Variants in ZNF723 observed in about 807,000 individuals in gnomAD.
The protein encoded by ZNF723 is zinc finger protein 723, pseudogene.
In ZNF723, 5 loss-of-function variants were observed where a neutral mutation model predicts 9.4. The observed-to-expected ratio is 0.53, with a 90% CI of 0.28 to 1.12. The LOEUF (loss-of-function observed/expected upper bound fraction) is 1.12, where lower values mean the gene tolerates loss of function less well. ZNF723 is among the 50% of genes most tolerant of loss of function. The probability of loss-of-function intolerance (pLI) is 0.10; values close to 1 mark genes in which losing one functional copy is unlikely to be tolerated. For missense variants in ZNF723, 450 were observed against 501.5 expected (o/e 0.90, Z 0.98); for synonymous variants, 158 against 168.8 (o/e 0.94, Z 0.49).
At chr19:22,846,287 C>T (rs1967308533) in intron 1 of ZNF723, among the ~76,000 whole-genome samples, 2 of 152,076 alleles carry the variant, frequency 1.3e-5, no homozygotes, top group African/African-American at 4.8e-5. Context: ...TTTGTGTTCC[C>T]CATTAGCACT....
chr19:22,826,718 C>T, the ZNF723 span, among the ~76,000 whole-genome samples: 1 of 152,162 alleles, frequency 6.6e-6, no homozygotes, highest in African/African-American at 2.4e-5. Flanking sequence ...AACTGTCATA[C>T]CTGGATCCAA....
Position 22,849,248 on chromosome 19 carries a change from G to A in ZNF723, c.181G>A (p.Glu61Lys). 1 of 592,520 alleles carries A rather than the reference G, an allele frequency of 1.7e-6. No homozygotes were observed. The highest frequency in any genetic ancestry group is 2.4e-5 in the South Asian group (1 of 42,284). 36.7% of individuals were successfully genotyped at this position (592,520 alleles called of 1,614,324 possible). Reference sequence around the variant, plus strand: ...AATCACCTGTCTGGAGCAAGGAAAAGAGCCCTGGAATATGAAGAGACACAA... The same window carrying A: ...AATCACCTGTCTGGAGCAAGGAAAAAAGCCCTGGAATATGAAGAGACACAA... ...DLITCLEQGK[E>K]PWNMKRHKMV... The change falls in exon 3 of 4, where the codon GAG (glutamate) becomes AAG (lysine). Residue 61 changes from glutamate (E) to lysine (K), a missense_variant. Coordinates refer to ENST00000600766, the MANE Select transcript of ZNF723 (RefSeq NM_001349726.2).
At chr19:22,835,243 C>T (rs1967152460) in intron 1 of ZNF723, among the ~76,000 whole-genome samples, 1 of 151,728 alleles carries the variant, frequency 6.6e-6, no homozygotes, top group African/African-American at 2.4e-5. Context: ...GGTTTCACCA[C>T]GTTGGCCAGG....
In ZNF723 at chr19:22,857,730, C is replaced by T. The variant is rs1248245856; in HGVS notation, c.839C>T (p.Thr280Ile). ...SSLNNHKRIH[T>I]GEKPYKCKEC... ...CTTAATAATCATAAGAGAATTCACA[C>T]TGGAGAGAAACCCTACAAATGTAAA... is the stretch of plus-strand genomic sequence containing the variant. The change falls in exon 4 of 4, where the codon ACT becomes ATT. Residue 280 changes from threonine to isoleucine, a missense_variant. Around this residue, in one of 5 missense-constraint regions of ZNF723, gnomAD observed 237 missense variants for 332.2 expected, o/e 0.71. Coordinates refer to ENST00000600766, the MANE Select transcript of ZNF723 (RefSeq NM_001349726.2). 4.7e-6 allele frequency: 6 copies of T among 1,277,382 alleles called. No individual in the cohort carries two copies. In the East Asian group the frequency reaches 1.2e-4, roughly 25 times the overall value. The allele number at this position is 1,277,382 out of a possible 1,614,324, so 79.1% of individuals were successfully genotyped here.
chr19:22,823,127 A>G, the ZNF723 span, among the ~76,000 whole-genome samples: 8 of 152,154 alleles, frequency 5.3e-5, no homozygotes, highest in African/African-American at 1.2e-4. Context: ...TGGGCTTAGG[A>G]CAATGGGTAA....
intron 1 of ZNF723, among the ~76,000 whole-genome samples, chr19:22,844,796 G>A (rs1443703760): frequency 6.6e-6 from 1 of 152,180 alleles, no homozygotes; most frequent in Non-Finnish European, 1.5e-5. Context: ...CCCAGGGGGA[G>A]CATCATCAGC....
chr19:22,835,867 T>C (rs2145206903), intron 1 of ZNF723, among the ~76,000 whole-genome samples: 1 of 152,326 alleles, frequency 6.6e-6, no homozygotes, highest in East Asian at 1.9e-4. Context: ...CTTAGGAATG[T>C]TCCCATATGA....
Position 22,848,301 on chromosome 19 carries a change from T to C in ZNF723, c.44T>C (p.Leu15Pro). 2 of 1,321,412 alleles carry C rather than the reference T, an allele frequency of 1.5e-6. No individual in the cohort carries two copies. The highest frequency in any genetic ancestry group is 1.3e-5 in the South Asian group (1 of 79,558). The allele number at this position is 1,321,412 out of a possible 1,614,324, so 81.9% of individuals were successfully genotyped here. Residue 15 changes from leucine (L) to proline (P), a missense_variant, in exon 2 of 4, where the codon CTG becomes CCG. Around this residue, in one of 5 missense-constraint regions of ZNF723, gnomAD observed 19 missense variants for 20.1 expected, o/e 0.95. Transcript: ENST00000600766. ...ACAGATGTGGCAATAAAATTTTCTC[T>C]GGAGGAGTGGCAATTCCTGGACACT... ...TFTDVAIKFS[L>P]EEWQFLDTAQ...
rs186110305 is a variant in ZNF723 at position 22,843,175 on chromosome 19, T to G, written c.4-5086T>G. Among the ~76,000 whole-genome samples the G allele has an allele frequency of 4.2e-4, 64 of 152,326 alleles. No homozygotes were observed. The East Asian group carries it at 9.5e-3, about 23-fold the overall frequency. The stretch of plus-strand genomic sequence containing the variant: ...GACAGGTGATCCAGGTTCTGGAGCT[T>G]CTCCAGGGCAGTTTAATTTTTTGTT... On this transcript the variant is annotated intron_variant, in intron 1 of 3. Transcript: ENST00000600766.
At chr19:22,819,890 G>T in the ZNF723 span, among the ~76,000 whole-genome samples, 2 of 152,098 alleles carry the variant, frequency 1.3e-5, no homozygotes, top group Admixed American at 6.5e-5. Context: ...ATTGTGTATT[G>T]TGACATATGT....
At chr19:22,850,336 A>G (rs1311067416) in intron 3 of ZNF723, among the ~76,000 whole-genome samples, 1 of 151,520 alleles carries the variant, frequency 6.6e-6, no homozygotes, top group African/African-American at 2.4e-5. Context: ...CCTCCCGAGT[A>G]GCTGGGATTA....
At chr19:22,856,960 T>G (rs1181637650) in intron 3 of ZNF723, among the ~76,000 whole-genome samples, 158 bp from the exon 4 acceptor site, 1 of 152,234 alleles carries the variant, frequency 6.6e-6, no homozygotes, top group Non-Finnish European at 1.5e-5. Flanking sequence ...TTTTGGTCTG[T>G]ATGTTTTTGT....
At chr19:22,844,819 C>G (rs1967287713) in intron 1 of ZNF723, among the ~76,000 whole-genome samples, 1 of 152,142 alleles carries the variant, frequency 6.6e-6, no homozygotes, top group South Asian at 2.1e-4. Flanking sequence ...TGACAGGGGA[C>G]TTAGTTAAAA....
upstream of ZNF723, among the ~76,000 whole-genome samples, chr19:22,827,425 A>T (rs1397349529): frequency 7.6e-6 from 1 of 131,570 alleles, no homozygotes; most frequent in South Asian, 2.5e-4. Context: ...GGTTTCAACT[A>T]TTTTTTTTTT....
At chr19:22,825,815 A>T in the ZNF723 span, among the ~76,000 whole-genome samples, 3 of 152,208 alleles carry the variant, frequency 2.0e-5, no homozygotes, top group Admixed American at 6.5e-5. Context: ...CAACATTATG[A>T]TAATGTGATT....
chr19:22,858,049 A>G lies in ZNF723; in HGVS notation c.1158A>G (p.Thr386=). Residue 386 remains threonine, a synonymous_variant, in exon 4 of 4, where the codon ACA becomes ACG. Transcript: ENST00000600766. ...TTAAAGTATCTGTACACCTTACTAC[A>G]CATAAGAGAATTCATACTGGAGAGA... ...KAFKVSVHLT[T]HKRIHTGEKP... 6.6e-7 allele frequency: 1 copy of G among 1,517,826 alleles called. No individual in the cohort carries two copies. Among genetic ancestry groups the G allele is most frequent in the Non-Finnish European group, 9.1e-7 (1 of 1,096,196 alleles). The allele number at this position is 1,517,826 out of a possible 1,614,324, so 94.0% of individuals were successfully genotyped here. A position where few individuals can be genotyped will look rare whatever the true frequency, so the allele number is the denominator to read the frequency against.
At chr19:22,844,562 C>T (rs1005201109) in intron 1 of ZNF723, among the ~76,000 whole-genome samples, 1 of 152,208 alleles carries the variant, frequency 6.6e-6, no homozygotes, top group African/African-American at 2.4e-5. Context: ...CCTGCTTAAA[C>T]ATTGCATTAG....
Position 22,857,284 on chromosome 19 carries a change from T to C in ZNF723, c.393T>C (p.Asp131=). Residue 131 remains aspartate, a synonymous_variant, in exon 4 of 4, where the codon GAT becomes GAC. Transcript: ENST00000600766. Reference sequence around the variant, plus strand: ...GTAAGATGCACAAAGGAGGTTATGATGAACTTAAGCAATGTTTGACAACTA... The same window carrying C: ...GTAAGATGCACAAAGGAGGTTATGACGAACTTAAGCAATGTTTGACAACTA... ...DECKMHKGGY[D]ELKQCLTTTP... 2 of 815,206 alleles carry C rather than the reference T, an allele frequency of 2.5e-6. No individual in the cohort carries two copies. The highest frequency in any genetic ancestry group is 2.7e-5 in the South Asian group (2 of 73,570). The allele number at this position is 815,206 out of a possible 1,614,324, so 50.5% of individuals were successfully genotyped here.
Position 22,841,661 on chromosome 19 carries a change from AT to A in ZNF723, c.4-6597del, listed in dbSNP as rs1231410029. 1.1e-4 allele frequency among the ~76,000 whole-genome samples: 16 copies of A among 152,204 alleles called. No homozygotes were observed. In the East Asian group the frequency reaches 2.9e-3, roughly 28 times the overall value. ...AAACTTCACAGGGTAGCAATCAACCATTTCACCTCTTTTAGTGACTGTTGTG... is the reference window on the plus strand; with the variant it reads ...AAACTTCACAGGGTAGCAATCAACCATTCACCTCTTTTAGTGACTGTTGTG... On this transcript the variant is annotated intron_variant, in intron 1 of 3. Transcript: ENST00000600766.
Sources: gnomAD v4.1 joint callset for allele counts (sites outside exome capture counted in the v4.1 genomes callset) on GRCh38, gnomAD v4.1.1 for gene constraint, gnomAD v4.1.1 regional missense constraint, MANE v1.5 for transcripts, NCBI Gene and HGNC (gene_info 2026-07-23, HGNC 2026-07-21) for gene names.